The following CDH23 variants were observed in gnomAD, a reference collection of about 807,000 sequenced individuals.
The protein encoded by CDH23 is cadherin related 23, also known as cadherin-23.
In CDH23, 189 loss-of-function variants were observed where a neutral mutation model predicts 317.1. The observed-to-expected ratio is 0.60, with a 90% confidence interval of 0.53 to 0.67. CDH23 has a LOEUF of 0.67. Ranked by LOEUF, CDH23 falls within the 30% of genes least tolerant of loss-of-function variation. The probability of loss-of-function intolerance (pLI) is 0.00; values close to 1 mark genes in which losing one functional copy is unlikely to be tolerated. For synonymous variants in CDH23, 1,839 were observed against 1,876.8 expected (o/e 0.98, Z 0.52); for missense variants, 4,401 against 4,592.4 (o/e 0.96, Z 1.20).
intron 48 of CDH23, chr10:71,796,159 C>A: frequency 2.2e-6 from 2 of 912,784 alleles, no homozygotes; most frequent in Non-Finnish European, 2.6e-6. Context: ...AAGGGAATCT[C>A]AGATACCCCT....
chr10:71,547,989 C>T (rs1340469046), intron 6 of CDH23, among the ~76,000 whole-genome samples: 6 of 152,202 alleles, frequency 3.9e-5, no homozygotes, highest in East Asian at 3.9e-4. Context: ...TAGGGTCAGT[C>T]GGAGGCTGGC....
intron 1 of CDH23, among the ~76,000 whole-genome samples, chr10:71,416,141 C>T (rs141079005): frequency 0.014 from 2,115 of 152,304 alleles, 176 homozygotes; most frequent in Admixed American, 0.12. Context: ...TCTCCTGCCT[C>T]AGCCTCCCAA....
chr10:71,709,830 A>T (rs1305169091), intron 27 of CDH23, among the ~76,000 whole-genome samples: 1 of 152,118 alleles, frequency 6.6e-6, no homozygotes, highest in Non-Finnish European at 1.5e-5. Context: ...TACAGGAAAA[A>T]GGGTTTAATG....
chr10:71,438,723 T>C (rs1849736891), intron 1 of CDH23, among the ~76,000 whole-genome samples: 1 of 152,226 alleles, frequency 6.6e-6, no homozygotes, highest in African/African-American at 2.4e-5. Flanking sequence ...ACAAGAGAGA[T>C]AGGACACCAG....
chr10:71,715,787 C>G (rs1012827542), intron 28 of CDH23: 10 of 688,862 alleles, frequency 1.5e-5, no homozygotes, highest in African/African-American at 1.9e-5. Context: ...AGGGCGCTGG[C>G]CTGGGCATGC....
At chr10:71,436,565 T>C (rs1849632463) in intron 1 of CDH23, among the ~76,000 whole-genome samples, 1 of 152,252 alleles carries the variant, frequency 6.6e-6, no homozygotes, top group South Asian at 2.1e-4. Context: ...GTGACCTCTC[T>C]GAGCCTCAAT....
At chr10:71,435,093 G>A (rs1451770080) in intron 1 of CDH23, among the ~76,000 whole-genome samples, 1 of 152,196 alleles carries the variant, frequency 6.6e-6, no homozygotes, top group Admixed American at 6.5e-5. Context: ...AGCAAGGGTT[G>A]GGGCTGAGGC....
At chr10:71,800,247 G>A (rs1408356852) in intron 52 of CDH23, among the ~76,000 whole-genome samples, 4 of 152,228 alleles carry the variant, frequency 2.6e-5, no homozygotes, top group Non-Finnish European at 4.4e-5. Flanking sequence ...GGCTGGAACT[G>A]GACTTTGCCT....
intron 22 of CDH23, among the ~76,000 whole-genome samples, chr10:71,696,843 A>G (rs1456750557): frequency 6.6e-6 from 1 of 152,098 alleles, no homozygotes. Context: ...AGAAACCAGG[A>G]CCCTCGCCCT....
At chr10:71,547,633 C>T (rs912876473) in intron 6 of CDH23, among the ~76,000 whole-genome samples, 1 of 151,930 alleles carries the variant, frequency 6.6e-6, no homozygotes, top group East Asian at 1.9e-4. Flanking sequence ...CCCAGTGAGC[C>T]GGTCCCCGCA....
At chr10:71,439,692 C>G (rs1349000932) in intron 1 of CDH23, 135 bp from the exon 2 acceptor site, 3 of 648,292 alleles carry the variant, frequency 4.6e-6, no homozygotes, top group Non-Finnish European at 8.3e-6. Context: ...CCTAAACCCT[C>G]CATCTGGGTT....
intron 47 of CDH23, 92 bp from the exon 48 acceptor site, chr10:71,793,090 G>A (rs1841306676): frequency 3.2e-6 from 3 of 932,936 alleles, no homozygotes; most frequent in Non-Finnish European, 3.2e-6. Flanking sequence ...TCATGAGAAG[G>A]GGACTTGAGA....
intron 6 of CDH23, among the ~76,000 whole-genome samples, chr10:71,524,688 C>T (rs749948539): frequency 6.6e-6 from 1 of 152,012 alleles, no homozygotes; most frequent in Non-Finnish European, 1.5e-5. Context: ...TCACCAGGGT[C>T]CTTATAAGAA....
At chr10:71,663,164 A>T (rs1396174761) in intron 14 of CDH23, among the ~76,000 whole-genome samples, 1 of 152,118 alleles carries the variant, frequency 6.6e-6, no homozygotes, top group East Asian at 1.9e-4. Context: ...TGGGACATGG[A>T]TCTATATTTT....
In CDH23 at chr10:71,812,895, G is replaced by A. The variant is rs372130910; in HGVS notation, c.9633+5G>A. 1 of 1,612,954 alleles carries A rather than the reference G, an allele frequency of 6.2e-7. No individual in the cohort carries two copies. The highest frequency in any genetic ancestry group is 1.3e-5 in the African/African-American group (1 of 74,926). On this transcript the variant is annotated splice_donor_5th_base_variant and intron_variant, in intron 68 of 69. Coordinates refer to ENST00000224721, the MANE Select transcript of CDH23 (RefSeq NM_022124.6). ...ATTCGTGAGGGGCCAATCAAGGTGA[G>A]CCTTCCCTGCAGGCTCCGCGCCCAG...
intron 18 of CDH23, 85 bp downstream of exon 18, chr10:71,682,657 GC>G: frequency 1.3e-6 from 2 of 1,523,944 alleles, no homozygotes; most frequent in Non-Finnish European, 1.8e-6. Flanking sequence ...TAGGACTGTG[GC>G]CCCCACCTCC....
At chr10:71,490,617 G>A (rs1466666246) in intron 3 of CDH23, among the ~76,000 whole-genome samples, 6 of 152,238 alleles carry the variant, frequency 3.9e-5, no homozygotes, top group Admixed American at 6.5e-5. Context: ...AGGGCTACAC[G>A]AATGAGGGTC....
chr10:71,399,559 G>GT (rs532414849), intron 1 of CDH23, among the ~76,000 whole-genome samples: 8 of 152,156 alleles, frequency 5.3e-5, no homozygotes, highest in Non-Finnish European at 1.2e-4. Context: ...GTGTTTTAGG[G>GT]TTTTTTAAAT....
intron 14 of CDH23, among the ~76,000 whole-genome samples, chr10:71,652,626 G>A (rs1863231216): frequency 6.6e-6 from 1 of 152,218 alleles, no homozygotes; most frequent in Non-Finnish European, 1.5e-5. Context: ...TAACCTGCTA[G>A]GAGCCTACCT....
Sources: gnomAD v4.1 joint callset for allele counts (sites outside exome capture counted in the v4.1 genomes callset) on GRCh38, gnomAD v4.1.1 for gene constraint, MANE v1.5 for transcripts, NCBI Gene and HGNC (gene_info 2026-07-23, HGNC 2026-07-21) for gene names.